Variants in TAFA1 observed in about 807,000 individuals in gnomAD.
TAFA1 encodes chemokine-like protein TAFA-1.
In TAFA1, 4 loss-of-function variants were observed where a neutral mutation model predicts 18.5. The ratio of observed to expected loss-of-function variants is 0.22; its 90% CI spans 0.11 to 0.49. TAFA1 has a LOEUF of 0.49. Among genes scored for constraint, TAFA1 ranks in the 20% least tolerant of loss-of-function variants. TAFA1 has a pLI of 0.98. For missense variants in TAFA1, 147 were observed against 169.0 expected (o/e 0.87, Z 0.72); for synonymous variants, 56 against 55.2 (o/e 1.01, Z -0.06).
At chr3:68,117,368 T>A (rs978327301) in intron 2 of TAFA1, among the ~76,000 whole-genome samples, 2 of 152,152 alleles carry the variant, frequency 1.3e-5, no homozygotes, top group Admixed American at 1.3e-4. Flanking sequence ...CAACAGTGTA[T>A]CAGATTACAA....
chr3:68,292,611 C>T (rs1207059501), intron 2 of TAFA1, among the ~76,000 whole-genome samples: 1 of 152,170 alleles, frequency 6.6e-6, no homozygotes, highest in African/African-American at 2.4e-5. Flanking sequence ...ACCACAGCCT[C>T]GAATTCCTGG....
chr3:68,218,252 C>T (rs2066684804), intron 2 of TAFA1, among the ~76,000 whole-genome samples: 1 of 152,016 alleles, frequency 6.6e-6, no homozygotes, highest in South Asian at 2.1e-4. Context: ...TTCTCAACAT[C>T]GACTGGCAAA....
intron 2 of TAFA1, among the ~76,000 whole-genome samples, chr3:68,093,570 G>A (rs2065052731): frequency 6.6e-6 from 1 of 151,982 alleles, no homozygotes; most frequent in Non-Finnish European, 1.5e-5. Context: ...GATCTCGGGA[G>A]GTAGGTCAGT....
intron 2 of TAFA1, among the ~76,000 whole-genome samples, chr3:68,311,395 T>A (rs893150885): frequency 6.6e-6 from 1 of 152,214 alleles, no homozygotes; most frequent in African/African-American, 2.4e-5. Flanking sequence ...TCCAAAGTCT[T>A]ATCTGAGACA....
chr3:68,276,812 G>A (rs2067805923), intron 2 of TAFA1, among the ~76,000 whole-genome samples: 1 of 152,034 alleles, frequency 6.6e-6, no homozygotes, highest in Admixed American at 6.6e-5. Context: ...AGGGAGGGAG[G>A]AGGAAAAGGT....
the TAFA1 span, among the ~76,000 whole-genome samples, chr3:67,997,501 T>G: frequency 3.7e-4 from 56 of 152,192 alleles, 2 homozygotes. Context: ...AGATATAGAT[T>G]AAAATATATA....
intron 2 of TAFA1, among the ~76,000 whole-genome samples, chr3:68,344,636 CT>C (rs1397309104): frequency 6.6e-6 from 1 of 152,112 alleles, no homozygotes; most frequent in Admixed American, 6.6e-5. Context: ...ACTTTTCCCC[CT>C]AGCTTTGTGA....
intron 2 of TAFA1, among the ~76,000 whole-genome samples, chr3:68,139,112 CTAAT>C (rs1169818468): frequency 2.0e-5 from 3 of 152,162 alleles, no homozygotes; most frequent in African/African-American, 7.2e-5. Context: ...CCAACATACT[CTAAT>C]TAAGAAAATT....
intron 2 of TAFA1, among the ~76,000 whole-genome samples, chr3:68,239,596 G>GGTCTATGCTTATTGGATAGCTCTCAA (rs1559571615): frequency 6.6e-6 from 1 of 152,032 alleles, no homozygotes; most frequent in African/African-American, 2.4e-5. Context: ...TTTGAAGAAG[G>GGTCTATGCTTATTGGATAGCTCTCAA]GTCTATGCTT....
intron 2 of TAFA1, among the ~76,000 whole-genome samples, chr3:68,069,388 T>C (rs1405994027): frequency 6.6e-6 from 1 of 152,142 alleles, no homozygotes; most frequent in Non-Finnish European, 1.5e-5. Flanking sequence ...TGAGACTTAT[T>C]TACTATCATG....
chr3:68,054,099 T>C (rs1429752126), intron 2 of TAFA1, among the ~76,000 whole-genome samples: 1 of 152,174 alleles, frequency 6.6e-6, no homozygotes, highest in Non-Finnish European at 1.5e-5. Flanking sequence ...AATTTTTATG[T>C]GCACTAGCAA....
intron 3 of TAFA1, among the ~76,000 whole-genome samples, chr3:68,508,794 G>C (rs894708741): frequency 5.9e-5 from 9 of 152,022 alleles, no homozygotes; most frequent in African/African-American, 2.2e-4. Context: ...AAGAAGTAGA[G>C]GCAAGTAACA....
intron 3 of TAFA1, among the ~76,000 whole-genome samples, chr3:68,500,798 A>T (rs1036112308): frequency 1.3e-5 from 2 of 151,984 alleles, no homozygotes; most frequent in African/African-American, 2.4e-5. Flanking sequence ...GCACACCCCC[A>T]CTTCAGAAGT....
chr3:68,543,730 T>C (rs2073414187), intron 4 of TAFA1, among the ~76,000 whole-genome samples: 1 of 152,148 alleles, frequency 6.6e-6, no homozygotes, highest in South Asian at 2.1e-4. Context: ...ATTAGAATTG[T>C]TATTTATGCT....
chr3:68,182,644 C>T (rs951249216), intron 2 of TAFA1, among the ~76,000 whole-genome samples: 1 of 152,138 alleles, frequency 6.6e-6, no homozygotes, highest in African/African-American at 2.4e-5. Flanking sequence ...ATGCACAACA[C>T]TCTTTTAAAG....
intron 2 of TAFA1, among the ~76,000 whole-genome samples, chr3:68,330,302 G>A (rs570488486): frequency 6.6e-6 from 1 of 152,286 alleles, no homozygotes; most frequent in South Asian, 2.1e-4. Flanking sequence ...CTGGCCATGT[G>A]ATTGAGGCCT....
At chr3:68,491,121 G>C (rs1214873154) in intron 3 of TAFA1, among the ~76,000 whole-genome samples, 3 of 152,162 alleles carry the variant, frequency 2.0e-5, no homozygotes, top group African/African-American at 7.2e-5. Flanking sequence ...TTACAGGCAT[G>C]ACCCACTGCA....
intron 2 of TAFA1, among the ~76,000 whole-genome samples, chr3:68,168,241 T>C (rs981287416): frequency 3.3e-5 from 5 of 151,572 alleles, no homozygotes; most frequent in Non-Finnish European, 7.4e-5. Context: ...TCTAGCCCAG[T>C]GGCAATTGCT....
At chr3:68,532,031 TGAG>T (rs2073195079) in intron 3 of TAFA1, among the ~76,000 whole-genome samples, 1 of 152,216 alleles carries the variant, frequency 6.6e-6, no homozygotes, top group Non-Finnish European at 1.5e-5. Context: ...TATGCAGGGT[TGAG>T]GAGAATTTTC....
Sources: gnomAD v4.1 joint callset for allele counts (sites outside exome capture counted in the v4.1 genomes callset) on GRCh38, gnomAD v4.1.1 for gene constraint, MANE v1.5 for transcripts, NCBI Gene and HGNC (gene_info 2026-07-23, HGNC 2026-07-21) for gene names.